The following COL24A1 variants were observed in gnomAD, a reference collection of about 807,000 sequenced individuals.
COL24A1 encodes the protein collagen type XXIV alpha 1 chain, also known as collagen alpha-1(XXIV) chain.
COL24A1 carries 224 observed loss-of-function variants against 253.9 expected under a neutral mutation model. That is an observed-to-expected ratio of 0.88 (90% confidence interval 0.79 to 0.99). COL24A1 has a LOEUF of 0.99. Among genes scored for constraint, COL24A1 ranks in the 50% least tolerant of loss-of-function variants. COL24A1 has a pLI of 0.00. For synonymous variants in COL24A1, 685 were observed against 673.7 expected (o/e 1.02, Z -0.26); for missense variants, 2,131 against 2,068.5 (o/e 1.03, Z -0.59).
chr1:85,824,990 G>A (rs1674085370), intron 43 of COL24A1, among the ~76,000 whole-genome samples: 1 of 151,154 alleles, frequency 6.6e-6, no homozygotes, highest in Non-Finnish European at 1.5e-5. Context: ...AGTTACATAT[G>A]TATACATGTG....
chr1:85,911,455 A>G (rs764529755), intron 24 of COL24A1, 22 bp from the exon 25 acceptor site: 7 of 1,594,766 alleles, frequency 4.4e-6, no homozygotes, highest in Non-Finnish European at 6.0e-6. Flanking sequence ...AAAAAATAAC[A>G]GAAAATACAC....
intron 22 of COL24A1, among the ~76,000 whole-genome samples, chr1:85,966,754 G>A (rs1349252371): frequency 6.6e-6 from 1 of 152,048 alleles, no homozygotes; most frequent in Non-Finnish European, 1.5e-5. Flanking sequence ...AGAAACCACT[G>A]ATCGTATTTA....
In COL24A1 at chr1:85,782,708, T is replaced by G. The variant is rs574237851; in HGVS notation, c.4284+788A>C. On this transcript the variant is annotated intron_variant, in intron 51 of 59. Coordinates refer to ENST00000370571, the MANE Select transcript of COL24A1 (RefSeq NM_152890.7). The stretch of plus-strand genomic sequence containing the variant: ...ATAGTTATTTAAGATACCTTTATCC[T>G]ACATCTGCACTGCTTCCCTTTTTCC... Among the ~76,000 whole-genome samples, 8 of 152,340 alleles carry G rather than the reference T, an allele frequency of 5.3e-5. No individual in the cohort carries two copies. In the East Asian group the frequency reaches 1.5e-3, roughly 29 times the overall value.
chr1:85,905,014 A>G (rs1684672938), intron 28 of COL24A1, among the ~76,000 whole-genome samples: 1 of 152,140 alleles, frequency 6.6e-6, no homozygotes, highest in Non-Finnish European at 1.5e-5. Flanking sequence ...CATGATGGTC[A>G]TATGGCCATA....
At chr1:85,830,877 T>A (rs1044132120) in intron 43 of COL24A1, among the ~76,000 whole-genome samples, 1 of 152,128 alleles carries the variant, frequency 6.6e-6, no homozygotes, top group Non-Finnish European at 1.5e-5. Flanking sequence ...AGAAATCACC[T>A]GTCTTCTGCG....
chr1:85,775,644 T>C, intron 53 of COL24A1, 30 bp downstream of exon 53: 2 of 1,591,258 alleles, frequency 1.3e-6, no homozygotes, highest in Non-Finnish European at 1.7e-6. Context: ...GTGTCAGGGT[T>C]ACTATAATCA....
chr1:86,154,803 T>G (rs1572101506), intron 1 of COL24A1: 1 of 153,346 alleles, frequency 6.5e-6, no homozygotes, highest in Admixed American at 6.5e-5. Context: ...GAGGGCCGCA[T>G]GCGGAGGCTG....
chr1:85,831,129 A>G (rs935810990), intron 43 of COL24A1, among the ~76,000 whole-genome samples: 1 of 152,044 alleles, frequency 6.6e-6, no homozygotes, highest in African/African-American at 2.4e-5. Flanking sequence ...GACCACACTA[A>G]CGGAAAAACC....
chr1:85,984,153 A>T (rs1693503179), intron 20 of COL24A1, among the ~76,000 whole-genome samples: 1 of 151,896 alleles, frequency 6.6e-6, no homozygotes, highest in Non-Finnish European at 1.5e-5. Context: ...TAAATAGGTC[A>T]GTTGGCTTTC....
intron 12 of COL24A1, among the ~76,000 whole-genome samples, chr1:86,037,569 A>T (rs926213453): frequency 6.6e-6 from 1 of 152,152 alleles, no homozygotes. Flanking sequence ...AATTCTTCCT[A>T]CAACCTGAAT....
chr1:85,963,254 T>C lies in COL24A1; in HGVS notation c.2517+1755A>G, dbSNP rs546298788. On this transcript the variant is annotated intron_variant, in intron 23 of 59. Coordinates refer to ENST00000370571, the MANE Select transcript of COL24A1 (RefSeq NM_152890.7). ...ATGTATTTAGATAAATAGTAAAGAA[T>C]GAAGCACAGCAGTAGGTTTTAATAA... Among the ~76,000 whole-genome samples, 111 of 152,252 alleles carry C rather than the reference T, an allele frequency of 7.3e-4. 1 individual carries two copies. Among genetic ancestry groups the C allele is most frequent in the African/African-American group, 2.6e-3 (106 of 41,564 alleles).
At chr1:85,844,005 C>A in intron 39 of COL24A1, among the ~76,000 whole-genome samples, 1 of 150,994 alleles carries the variant, frequency 6.6e-6, no homozygotes, top group African/African-American at 2.4e-5. Flanking sequence ...ATCAATGACT[C>A]AAATAGCAAG....
chr1:86,123,318 A>G (rs1571998759), intron 3 of COL24A1, among the ~76,000 whole-genome samples: 1 of 141,034 alleles, frequency 7.1e-6, no homozygotes, highest in African/African-American at 2.7e-5. Flanking sequence ...GTGACCTTTC[A>G]TAGAGACTCC....
At chr1:86,007,049 A>AAATAAT (rs147729217) in intron 19 of COL24A1, among the ~76,000 whole-genome samples, 12 of 151,106 alleles carry the variant, frequency 7.9e-5, no homozygotes, top group South Asian at 6.3e-4. Flanking sequence ...TTGTCTCTAC[A>AAATAAT]AATAATAATA....
chr1:86,091,719 T>C (rs1703501805), intron 6 of COL24A1, among the ~76,000 whole-genome samples: 2 of 152,244 alleles, frequency 1.3e-5, no homozygotes, highest in South Asian at 4.1e-4. Flanking sequence ...GAAAGCATAC[T>C]GGACAAGAAG....
intron 4 of COL24A1, among the ~76,000 whole-genome samples, chr1:86,112,873 G>A (rs2039604): frequency 0.17 from 26,430 of 151,920 alleles, 2,412 homozygotes; most frequent in South Asian, 0.26. Context: ...ACTAATTTCC[G>A]TAGAAATTTC....
intron 39 of COL24A1, among the ~76,000 whole-genome samples, chr1:85,845,969 T>G (rs116203346): frequency 6.6e-6 from 1 of 151,728 alleles, no homozygotes; most frequent in Non-Finnish European, 1.5e-5. Context: ...AATTATGAAG[T>G]ATTTGCCCTA....
Position 86,156,372 on chromosome 1 carries a change from T to C in COL24A1, c.25A>G (p.Arg9Gly). ...GCCGTGGGGGAGACTTTTCCACGCC[T>C]TGTTCTGTGGGCTCTTAAATGCATT... Reference protein sequence around the residue: MHLRAHRTRRGKVSPTAKT... With the variant: MHLRAHRTGRGKVSPTAKT... Residue 9 changes from arginine (R) to glycine (G), a missense_variant, in exon 1 of 60, where the codon AGG becomes GGG. Arg to Gly is a moderately radical substitution (Grantham distance 125). Transcript: ENST00000370571. 6.2e-7 allele frequency: 1 copy of C among 1,613,114 alleles called. No individual in the cohort carries two copies. Among genetic ancestry groups the C allele is most frequent in the Non-Finnish European group, 8.5e-7 (1 of 1,179,572 alleles).
chr1:85,974,454 GAC>G (rs1692466452), intron 20 of COL24A1, among the ~76,000 whole-genome samples: 1 of 152,054 alleles, frequency 6.6e-6, no homozygotes, highest in Non-Finnish European at 1.5e-5. Context: ...AAGATGAAAA[GAC>G]AAAATTGAAT....
Sources: allele counts gnomAD v4.1 joint callset (sites outside exome capture counted in the v4.1 genomes callset), GRCh38; gene constraint gnomAD v4.1.1; transcripts MANE v1.5; gene names NCBI Gene and HGNC (gene_info 2026-07-23, HGNC 2026-07-21).